FSTL4: variants seen among roughly 807,000 people sequenced by gnomAD.
The protein encoded by FSTL4 is follistatin-related protein 4.
A neutral mutation model predicts 78.2 loss-of-function variants in FSTL4; 28 were observed. The ratio of observed to expected loss-of-function variants is 0.36; its 90% confidence interval spans 0.27 to 0.49. FSTL4 has a LOEUF of 0.49. FSTL4 is among the 20% of genes least tolerant of loss of function. FSTL4 has a pLI of 0.98. For synonymous variants in FSTL4, 422 were observed against 440.5 expected (o/e 0.96, Z 0.53); for missense variants, 922 against 1,084.9 (o/e 0.85, Z 2.11).
intron 3 of FSTL4, among the ~76,000 whole-genome samples, chr5:133,549,382 C>T (rs374040696): frequency 8.5e-5 from 13 of 152,168 alleles, no homozygotes; most frequent in Admixed American, 3.3e-4. Context: ...ATTTCAATTA[C>T]CTTTTTTAAT....
At chr5:133,714,424 C>A in the FSTL4 span, among the ~76,000 whole-genome samples, 1 of 152,168 alleles carries the variant, frequency 6.6e-6, no homozygotes, top group Non-Finnish European at 1.5e-5. Context: ...GCCAAGCCCA[C>A]GCTCTTAACC....
chr5:133,542,396 G>T (rs1312847838), intron 3 of FSTL4, among the ~76,000 whole-genome samples: 1 of 151,954 alleles, frequency 6.6e-6, no homozygotes, highest in East Asian at 1.9e-4. Flanking sequence ...TTTTGCTTAG[G>T]ACTTTTGTAT....
In FSTL4 at chr5:133,220,997, G is replaced by A. The variant is rs747114560; in HGVS notation, c.1340-131C>T. ...GTGCAGGCACGAGATGCAATTCCTG[G>A]TCAGGGTGGGGTAGAATGAGCAGCC... is the stretch of plus-strand genomic sequence containing the variant. On this transcript the variant is annotated intron_variant, in intron 11 of 15. Transcript: ENST00000265342. 3.5e-5 allele frequency: 26 copies of A among 752,504 alleles called. 1 individual carries two copies. Among genetic ancestry groups the A allele is most frequent in the South Asian group, 3.4e-4 (24 of 71,626 alleles). 46.6% of individuals were successfully genotyped at this position (752,504 alleles called of 1,614,324 possible).
intron 6 of FSTL4, among the ~76,000 whole-genome samples, chr5:133,310,012 T>C (rs1413828737): frequency 6.6e-6 from 1 of 152,242 alleles, no homozygotes; most frequent in Non-Finnish European, 1.5e-5. Context: ...CTTGTACCTA[T>C]ATGTCTCATT....
the FSTL4 span, among the ~76,000 whole-genome samples, chr5:133,643,240 T>A: frequency 6.6e-6 from 1 of 152,182 alleles, no homozygotes; most frequent in Non-Finnish European, 1.5e-5. Flanking sequence ...CTCTGAAAAG[T>A]TGTTAACTCT....
chr5:133,679,384 T>C, the FSTL4 span, among the ~76,000 whole-genome samples: 6 of 152,104 alleles, frequency 3.9e-5, no homozygotes, highest in Non-Finnish European at 2.9e-5. Context: ...GAAAGAAACC[T>C]TTCTGTGGGT....
At chr5:133,333,131 C>T (rs1298141115) in intron 4 of FSTL4, among the ~76,000 whole-genome samples, 1 of 152,184 alleles carries the variant, frequency 6.6e-6, no homozygotes, top group African/African-American at 2.4e-5. Flanking sequence ...GGCAGCTCAG[C>T]CCCAGCCCCA....
intron 4 of FSTL4, among the ~76,000 whole-genome samples, chr5:133,389,845 G>A (rs1019837468): frequency 2.0e-5 from 3 of 152,190 alleles, no homozygotes; most frequent in African/African-American, 7.2e-5. Context: ...TATTTTGATG[G>A]AAATATGGAT....
At position 133,394,389 on chromosome 5, in the gene FSTL4, C is replaced by T. The variant is rs750952832; in HGVS notation, c.409+6349G>A. Reference sequence around the variant, plus strand: ...CGGCGGGAACTGGGGCTGCGTGTGACGCTCGTGGGCCAGCCTGAGTTCCAG... The same window carrying T: ...CGGCGGGAACTGGGGCTGCGTGTGATGCTCGTGGGCCAGCCTGAGTTCCAG... On this transcript the variant is annotated intron_variant, in intron 4 of 15. Transcript: ENST00000265342. 1.0e-3 allele frequency among the ~76,000 whole-genome samples: 158 copies of T among 152,330 alleles called. 1 individual carries two copies. Among genetic ancestry groups the T allele is most frequent in the Non-Finnish European group, 1.9e-3 (130 of 68,022 alleles).
At chr5:133,663,085 G>T in the FSTL4 span, among the ~76,000 whole-genome samples, 1 of 152,170 alleles carries the variant, frequency 6.6e-6, no homozygotes, top group Non-Finnish European at 1.5e-5. Context: ...AGGGATTAGA[G>T]TTGGGAAAAG....
the FSTL4 span, among the ~76,000 whole-genome samples, chr5:133,740,716 C>T: frequency 7.9e-5 from 12 of 152,178 alleles, 2 homozygotes; most frequent in African/African-American, 2.9e-4. Flanking sequence ...CTCTGAAAAG[C>T]AAGCTCATGA....
chr5:133,817,202 C>T, the FSTL4 span, among the ~76,000 whole-genome samples: 2 of 152,344 alleles, frequency 1.3e-5, no homozygotes, highest in Admixed American at 6.5e-5. Context: ...AGTCTATTAT[C>T]GTCCCCATTT....
intron 14 of FSTL4, among the ~76,000 whole-genome samples, chr5:133,204,834 C>CAAAAAA (rs33932730): frequency 6.2e-5 from 8 of 129,076 alleles, no homozygotes; most frequent in African/African-American, 1.5e-4. Context: ...GATTCTGTCT[C>CAAAAAA]AAAAAAAAAA....
intron 3 of FSTL4, among the ~76,000 whole-genome samples, chr5:133,431,595 A>G (rs1012350282): frequency 4.6e-5 from 7 of 152,186 alleles, no homozygotes; most frequent in Non-Finnish European, 7.4e-5. Flanking sequence ...AAGGCCCTCA[A>G]TTATAGCCCA....
chr5:133,553,148 C>T (rs1472098681), intron 3 of FSTL4, among the ~76,000 whole-genome samples: 2 of 152,146 alleles, frequency 1.3e-5, no homozygotes, highest in Non-Finnish European at 2.9e-5. Context: ...CCGCGGTACC[C>T]GGAACCCACA....
chr5:133,603,345 T>C (rs943843625), intron 2 of FSTL4, among the ~76,000 whole-genome samples: 2 of 152,230 alleles, frequency 1.3e-5, no homozygotes, highest in African/African-American at 4.8e-5. Context: ...AGCATTTATA[T>C]ATACCTAACA....
the FSTL4 span, among the ~76,000 whole-genome samples, chr5:133,702,916 C>G: frequency 6.6e-6 from 1 of 152,192 alleles, no homozygotes; most frequent in Non-Finnish European, 1.5e-5. Flanking sequence ...CCATCGCTCT[C>G]TCTTCTCCCT....
chr5:133,349,295 C>CTCTGTGTGTGTGTGTGTGTGTGTGTG, intron 4 of FSTL4, among the ~76,000 whole-genome samples: 1 of 139,772 alleles, frequency 7.2e-6, no homozygotes, highest in South Asian at 2.5e-4. Flanking sequence ...GCCTCTCTCT[C>CTCTGTGTGTGTGTGTGTGTGTGTGTG]TGTGTGTGTG....
chr5:133,310,591 C>G (rs1753756131), intron 6 of FSTL4, among the ~76,000 whole-genome samples: 1 of 152,194 alleles, frequency 6.6e-6, no homozygotes, highest in East Asian at 1.9e-4. Flanking sequence ...GCTATGGTAC[C>G]AGGCACCAAG....
Sources: allele counts gnomAD v4.1 joint callset (sites outside exome capture counted in the v4.1 genomes callset), GRCh38; gene constraint gnomAD v4.1.1; transcripts MANE v1.5; gene names NCBI Gene and HGNC (gene_info 2026-07-23, HGNC 2026-07-21).